The following HIVEP3 variants were observed in gnomAD, a reference collection of about 807,000 sequenced individuals.
The protein encoded by HIVEP3 is HIVEP zinc finger 3.
Under a neutral mutation model 152.8 loss-of-function variants are expected in HIVEP3, and 49 were observed. That is an observed-to-expected ratio of 0.32 (90% CI 0.26 to 0.41). HIVEP3 has a LOEUF of 0.41. Ranked by LOEUF, HIVEP3 falls within the 10% of genes least tolerant of loss-of-function variation. The pLI, the probability that HIVEP3 is intolerant of heterozygous loss-of-function variation, is 1.00. For synonymous variants in HIVEP3, 1,269 were observed against 1,289.0 expected (o/e 0.98, Z 0.33); for missense variants, 2,790 against 3,103.3 (o/e 0.90, Z 2.40).
At chr1:41,868,888 C>T (rs904715181) in intron 1 of HIVEP3, among the ~76,000 whole-genome samples, 1 of 152,176 alleles carries the variant, frequency 6.6e-6, no homozygotes, top group Admixed American at 6.5e-5. Flanking sequence ...AAAACAGACA[C>T]CTAAAGCATA....
intron 1 of HIVEP3, among the ~76,000 whole-genome samples, chr1:41,782,623 T>G (rs904937631): frequency 1.2e-4 from 18 of 151,240 alleles, no homozygotes; most frequent in Admixed American, 9.9e-4. Context: ...TCCCAGCTAT[T>G]CGGGAGGCTG....
intron 1 of HIVEP3, among the ~76,000 whole-genome samples, chr1:41,889,332 C>T (rs935412737): frequency 2.0e-5 from 3 of 152,166 alleles, no homozygotes; most frequent in Admixed American, 2.0e-4. Flanking sequence ...TGCAGCTTTA[C>T]GTGGCTGGAA....
chr1:41,544,842 AC>A (rs1558046265), intron 5 of HIVEP3, among the ~76,000 whole-genome samples: 6 of 58,972 alleles, frequency 1.0e-4, no homozygotes, highest in African/African-American at 2.4e-4. Context: ...CACCACCACC[AC>A]TACCACCACC....
At chr1:41,766,341 G>A (rs894807992) in intron 1 of HIVEP3, among the ~76,000 whole-genome samples, 10 of 152,180 alleles carry the variant, frequency 6.6e-5, no homozygotes, top group African/African-American at 2.2e-4. Context: ...ATCATACAAG[G>A]CACAGGACAG....
intron 1 of HIVEP3, among the ~76,000 whole-genome samples, chr1:41,975,713 G>C (rs1228450983): frequency 6.6e-6 from 1 of 152,214 alleles, no homozygotes; most frequent in African/African-American, 2.4e-5. Context: ...CGCTCTCAAA[G>C]GACCTTTCTT....
intron 6 of HIVEP3, among the ~76,000 whole-genome samples, chr1:41,520,589 C>T (rs1431248293): frequency 1.3e-5 from 2 of 152,176 alleles, no homozygotes; most frequent in Non-Finnish European, 2.9e-5. Context: ...CCAGGCCCAC[C>T]CTACCCTGAC....
At chr1:41,518,583 G>A in intron 6 of HIVEP3, 95 bp from the exon 7 acceptor site, 2 of 1,184,216 alleles carry the variant, frequency 1.7e-6, no homozygotes, top group Non-Finnish European at 2.5e-6. Flanking sequence ...GGCAGGCCAT[G>A]GTTTCTCAGG....
chr1:41,827,358 G>A (rs892853684), intron 1 of HIVEP3, among the ~76,000 whole-genome samples: 6 of 152,144 alleles, frequency 3.9e-5, no homozygotes, highest in Non-Finnish European at 5.9e-5. Flanking sequence ...GGCTGGCTTG[G>A]TGACACCTCT....
intron 1 of HIVEP3, among the ~76,000 whole-genome samples, chr1:41,885,341 G>A (rs1028673276): frequency 1.3e-5 from 2 of 151,968 alleles, no homozygotes; most frequent in Admixed American, 1.3e-4. Flanking sequence ...TGAATTCAAA[G>A]CAGGCCACTG....
At chr1:41,731,521 C>T (rs528123003) in intron 1 of HIVEP3, among the ~76,000 whole-genome samples, 9 of 152,324 alleles carry the variant, frequency 5.9e-5, no homozygotes, top group South Asian at 4.1e-4. Context: ...AACAGGATGT[C>T]GTGGGAATGA....
intron 1 of HIVEP3, among the ~76,000 whole-genome samples, chr1:41,811,387 T>G (rs1459292032): frequency 6.6e-6 from 1 of 151,642 alleles, no homozygotes; most frequent in Non-Finnish European, 1.5e-5. Context: ...AGGAAAACAG[T>G]CTGGTGTTAA....
Position 41,544,963 on chromosome 1 carries a change from C to CCAT in HIVEP3, c.5208-20054_5208-20053insATG, listed in dbSNP as rs1558047041. 1.7e-4 allele frequency among the ~76,000 whole-genome samples: 10 copies of CCAT among 60,122 alleles called. 3 individuals carry two copies. The highest frequency in any genetic ancestry group is 3.1e-4 in the Admixed American group (2 of 6,494). 39.4% of individuals were successfully genotyped at this position (60,122 alleles called of 152,430 possible). On this transcript the variant is annotated intron_variant, in intron 5 of 8. Coordinates refer to ENST00000372583, the MANE Select transcript of HIVEP3 (RefSeq NM_024503.5). Reference sequence around the variant, plus strand: ...ACCACCACTACCACCTCTACCATCACCACCACCACCACTATCACCGCCACC... The same window carrying CCAT: ...ACCACCACTACCACCTCTACCATCACCATCACCACCACCACTATCACCGCCACC...
chr1:41,902,698 C>A (rs1644646184), intron 1 of HIVEP3, among the ~76,000 whole-genome samples: 1 of 152,174 alleles, frequency 6.6e-6, no homozygotes, highest in African/African-American at 2.4e-5. Flanking sequence ...GAGCAGAGCG[C>A]CGGCAATGTC....
intron 6 of HIVEP3, among the ~76,000 whole-genome samples, chr1:41,523,875 G>A (rs1307136261): frequency 1.3e-5 from 2 of 152,184 alleles, no homozygotes; most frequent in African/African-American, 2.4e-5. Flanking sequence ...CTGGGGTGCC[G>A]AGAGCCCTGG....
At chr1:41,986,339 A>G (rs1189298957) in intron 1 of HIVEP3, among the ~76,000 whole-genome samples, 1 of 152,184 alleles carries the variant, frequency 6.6e-6, no homozygotes, top group Non-Finnish European at 1.5e-5. Context: ...ATTCATTTTC[A>G]TAATTACAAG....
chr1:42,013,734 T>C (rs1570892030), intron 1 of HIVEP3, among the ~76,000 whole-genome samples: 1 of 152,342 alleles, frequency 6.6e-6, no homozygotes. Context: ...ATACTTTAGG[T>C]GCTGCTCAGA....
At chr1:41,817,686 G>A (rs1171019836) in intron 1 of HIVEP3, among the ~76,000 whole-genome samples, 1 of 152,174 alleles carries the variant, frequency 6.6e-6, no homozygotes, top group African/African-American at 2.4e-5. Flanking sequence ...TAAGGTGGAC[G>A]AGGAGAAATG....
chr1:41,677,297 C>T lies in HIVEP3; in HGVS notation c.-721+23619G>A, dbSNP rs375387983. 4.6e-5 allele frequency among the ~76,000 whole-genome samples: 7 copies of T among 152,170 alleles called. No homozygotes were observed. In the South Asian group the frequency reaches 8.3e-4, roughly 18 times the overall value. Reference sequence around the variant, plus strand: ...TCTAACACGCTTCACACGTATAATCCGGTCTAATCCTCATGACAAGCCTAT... The same window carrying T: ...TCTAACACGCTTCACACGTATAATCTGGTCTAATCCTCATGACAAGCCTAT... On this transcript the variant is annotated intron_variant, in intron 2 of 8. Coordinates refer to ENST00000372583, the MANE Select transcript of HIVEP3 (RefSeq NM_024503.5).
chr1:41,527,449 C>G (rs1306250372), intron 5 of HIVEP3, among the ~76,000 whole-genome samples: 1 of 142,558 alleles, frequency 7.0e-6, no homozygotes, highest in Non-Finnish European at 1.5e-5. Flanking sequence ...CACCCTCACC[C>G]TCACACCCCT....
Sources: gnomAD v4.1 joint callset for allele counts (sites outside exome capture counted in the v4.1 genomes callset) on GRCh38, gnomAD v4.1.1 for gene constraint, MANE v1.5 for transcripts, NCBI Gene and HGNC (gene_info 2026-07-23, HGNC 2026-07-21) for gene names.